The following SIVA1 variants were observed in gnomAD, a reference collection of about 807,000 sequenced individuals.
The protein encoded by SIVA1 is SIVA1 apoptosis inducing factor.
SIVA1 carries 10 observed loss-of-function variants against 19.7 expected under a neutral mutation model. The observed-to-expected ratio is 0.51, with a 90% CI of 0.31 to 0.86. The LOEUF is 0.86. SIVA1 is among the 40% of genes least tolerant of loss of function. The pLI, the probability that SIVA1 is intolerant of heterozygous loss-of-function variation, is 0.04. For synonymous variants in SIVA1, 130 were observed against 106.1 expected (o/e 1.23, Z -1.39); for missense variants, 241 against 245.2 (o/e 0.98, Z 0.11).
In SIVA1 at chr14:104,759,346, T is replaced by G. The variant is rs1056781060; in HGVS notation, c.471-82T>G. The G allele has an allele frequency of 1.7e-6, 2 of 1,206,898 alleles. No individual in the cohort carries two copies. The highest frequency in any genetic ancestry group is 3.8e-5 in the Admixed American group (2 of 52,010). 74.8% of individuals were successfully genotyped at this position (1,206,898 alleles called of 1,614,324 possible). On this transcript the variant is annotated intron_variant, in intron 3 of 3. Transcript: ENST00000329967. This position sits in a 1 kb window ranked among gnomAD's most constrained non-coding sequence, Gnocchi z 4.2. Reference sequence around the variant, plus strand: ...CCTGAGGTGTTCTGGGTTAGGACTTTGACGTTTGAATGGTGGGGGGTGGTG... The same window carrying G: ...CCTGAGGTGTTCTGGGTTAGGACTTGGACGTTTGAATGGTGGGGGGTGGTG...
chr14:104,758,248 C>A (rs1435850255), intron 3 of SIVA1: 1 of 152,586 alleles, frequency 6.6e-6, no homozygotes. Flanking sequence ...ACGCCTGGCC[C>A]GTCCTCTGCA....
At chr14:104,753,984 A>G in intron 1 of SIVA1, 1 of 297,850 alleles carries the variant, frequency 3.4e-6, no homozygotes, top group South Asian at 2.5e-5. Context: ...TTAGCCAGGC[A>G]GAGGAAGGGA....
In SIVA1 at chr14:104,756,681, G is replaced by A; in HGVS notation, c.391G>A (p.Glu131Lys). ...VDGKAVCGQC[E>K]RALCGQCVRT... ...TGGGAAGGCGGTCTGCGGTCAGTGTGAGCGAGCCCTGTGCGGGCAGTGTGT... is the reference window on the plus strand; with the variant it reads ...TGGGAAGGCGGTCTGCGGTCAGTGTAAGCGAGCCCTGTGCGGGCAGTGTGT... The change falls in exon 3 of 4, where the codon GAG (glutamate) becomes AAG (lysine). Residue 131 changes from glutamate to lysine, a missense_variant. Physicochemically the swap from Glu to Lys is moderately conservative, Grantham distance 56 (BLOSUM62 1). Transcript: ENST00000329967. The A allele has an allele frequency of 1.2e-6, 2 of 1,614,216 alleles. No individual in the cohort carries two copies. The highest frequency in any genetic ancestry group is 1.7e-6 in the Non-Finnish European group (2 of 1,180,030).
At chr14:104,756,891 C>A in intron 3 of SIVA1, 131 bp downstream of exon 3, 1 of 1,042,764 alleles carries the variant, frequency 9.6e-7, no homozygotes, top group Non-Finnish European at 1.4e-6. Context: ...TCTGGCATTG[C>A]CTAACGGGAC....
chr14:104,753,495 A>C (rs2140851917), intron 1 of SIVA1, among the ~76,000 whole-genome samples, 176 bp downstream of exon 1: 1 of 152,224 alleles, frequency 6.6e-6, no homozygotes, highest in African/African-American at 2.4e-5. Flanking sequence ...GGCTGGGGTC[A>C]GTGAGGGGGA....
rs768453113 is a variant in SIVA1, at chr14:104,756,049, A to G, written c.313+225A>G. 1.8e-5 allele frequency: 12 copies of G among 662,584 alleles called. 1 individual carries two copies. The highest frequency in any genetic ancestry group is 1.6e-4 in the African/African-American group (9 of 55,224). 41.0% of individuals were successfully genotyped at this position (662,584 alleles called of 1,614,324 possible). A position where few individuals can be genotyped will look rare whatever the true frequency, so the allele number is the denominator to read the frequency against. Reference sequence around the variant, plus strand: ...GTACTGGGCCAAAAAAGCAGCAGAGACTCCCCGGGTATCCCGTCTGCTTTC... The same window carrying G: ...GTACTGGGCCAAAAAAGCAGCAGAGGCTCCCCGGGTATCCCGTCTGCTTTC... On this transcript the variant is annotated intron_variant, in intron 2 of 3. Coordinates refer to ENST00000329967, the MANE Select transcript of SIVA1 (RefSeq NM_006427.4).
At position 104,759,231 on chromosome 14, in the gene SIVA1, G is replaced by T. The variant is rs181023805; in HGVS notation, c.471-197G>T. The T allele has an allele frequency of 3.8e-5, 18 of 477,788 alleles. No individual in the cohort carries two copies. The East Asian group carries it at 5.8e-4, about 15-fold the overall frequency. The allele number at this position is 477,788 out of a possible 1,614,324, so 29.6% of individuals were successfully genotyped here. ...TCTCTTCACGTAGTCTTTTTAGGAC[G>T]CTGGTCGTGTTGCCTTAGGGCCCCC... is the stretch of plus-strand genomic sequence containing the variant. On this transcript the variant is annotated intron_variant, in intron 3 of 3. Transcript: ENST00000329967. The surrounding 1 kb of genome is among the most constrained non-coding windows in gnomAD (Gnocchi z 4.2).
intron 1 of SIVA1, among the ~76,000 whole-genome samples, chr14:104,755,274 A>G (rs535415053): frequency 1.3e-4 from 20 of 152,306 alleles, no homozygotes; most frequent in African/African-American, 4.8e-4. Flanking sequence ...CTGGGGAAGC[A>G]GAAAAGGGAG....
intron 3 of SIVA1, chr14:104,758,909 C>G (rs1486034473): frequency 2.0e-5 from 3 of 152,814 alleles, no homozygotes; most frequent in African/African-American, 7.2e-5. Context: ...TGGAGAGCTT[C>G]TATCCTACTG....
chr14:104,755,335 A>G (rs902805207), intron 1 of SIVA1, among the ~76,000 whole-genome samples: 1 of 152,176 alleles, frequency 6.6e-6, no homozygotes, highest in African/African-American at 2.4e-5. Flanking sequence ...GCAGAAAATG[A>G]GCCGAGTGAT....
In SIVA1 at chr14:104,753,294, C is replaced by T; in HGVS notation, c.93C>T (p.Ala31=). The change falls in exon 1 of 4, where the codon GCC becomes GCT. Residue 31 remains alanine (A), a synonymous_variant. Transcript: ENST00000329967. ...GGGAGTTGAGCCGCGGCGTGTGCGC[C>T]GAGCGCTACTCGCAGGAGGTCTTCG... The part of the protein sequence containing the change: ...SQRELSRGVC[A]ERYSQEVFEK... 6.2e-7 allele frequency: 1 copy of T among 1,600,698 alleles called. No homozygotes were observed. The highest frequency in any genetic ancestry group is 1.1e-5 in the South Asian group (1 of 89,464).
Position 104,759,490 on chromosome 14 carries a change from G to T in SIVA1, c.*5G>T. The T allele has an allele frequency of 6.2e-7, 1 of 1,608,782 alleles. No homozygotes were observed. The highest frequency in any genetic ancestry group is 8.5e-7 in the Non-Finnish European group (1 of 1,179,600). On this transcript the variant is annotated 3_prime_UTR_variant, in exon 4 of 4. Transcript: ENST00000329967. This position sits in a 1 kb window ranked among gnomAD's most constrained non-coding sequence, Gnocchi z 4.2. ...TGTGCCATGTTCGAGACCTGAGGCT[G>T]GCTCAAGCCGGCTGCCTTCACCGGG... is the stretch of plus-strand genomic sequence containing the variant.
At chr14:104,758,006 C>T (rs558213665) in intron 3 of SIVA1, 1 of 152,442 alleles carries the variant, frequency 6.6e-6, no homozygotes, top group South Asian at 2.1e-4. Flanking sequence ...GGGCTCTGCC[C>T]TCTTTCACAA....
intron 1 of SIVA1, among the ~76,000 whole-genome samples, chr14:104,754,706 T>C (rs12895059): frequency 0.17 from 25,539 of 152,114 alleles, 2,311 homozygotes; most frequent in African/African-American, 0.23. Context: ...TAACCTCGAA[T>C]TGTCCACAAG....
In SIVA1 at chr14:104,755,646, C is replaced by T. The variant is rs1469576028; in HGVS notation, c.135C>T (p.Leu45=). The T allele has an allele frequency of 2.5e-6, 4 of 1,612,736 alleles. No individual in the cohort carries two copies. The highest frequency in any genetic ancestry group is 3.4e-6 in the Non-Finnish European group (4 of 1,179,800). ...SQEVFEKTKR[L]LFLGAQAYLD... ...TTCCCCCAGAGAAGACCAAGCGACT[C>T]CTGTTCCTCGGGGCCCAGGCCTACC... The change falls in exon 2 of 4, where the codon CTC becomes CTT. Residue 45 remains leucine (L), a synonymous_variant. Coordinates refer to ENST00000329967, the MANE Select transcript of SIVA1 (RefSeq NM_006427.4).
chr14:104,753,151 T>G lies in SIVA1; in HGVS notation c.-51T>G. 31 of 1,218,358 alleles carry G rather than the reference T, an allele frequency of 2.5e-5. No individual in the cohort carries two copies. The highest frequency in any genetic ancestry group is 3.3e-5 in the Non-Finnish European group (28 of 860,014). The allele number at this position is 1,218,358 out of a possible 1,614,324, so 75.5% of individuals were successfully genotyped here. A position where few individuals can be genotyped will look rare whatever the true frequency, so the allele number is the denominator to read the frequency against. On this transcript the variant is annotated 5_prime_UTR_variant, in exon 1 of 4. Transcript: ENST00000329967. Reference sequence around the variant, plus strand: ...GCGCAGCTGTGACGTCACGGCGTCGTTGGTAAGGGGCTGGCGGCCGGGGAG... The same window carrying G: ...GCGCAGCTGTGACGTCACGGCGTCGGTGGTAAGGGGCTGGCGGCCGGGGAG...
At chr14:104,753,684 C>T (rs1325258146) in intron 1 of SIVA1, 1 of 423,608 alleles carries the variant, frequency 2.4e-6, no homozygotes, top group African/African-American at 2.0e-5. Flanking sequence ...GGTTGGGGAG[C>T]GGGGCGTCCT....
rs201855183 is a variant in SIVA1, at chr14:104,756,588, C to T, written c.314-16C>T. ...GTCTCCTTGCAGCCTGACGGCTTGG[C>T]GTTTCTTCCTCACAGACCCATCTGG... is the stretch of plus-strand genomic sequence containing the variant. On this transcript the variant is annotated splice_polypyrimidine_tract_variant and intron_variant, in intron 2 of 3. Transcript: ENST00000329967. 2.0e-3 allele frequency: 3,258 copies of T among 1,613,876 alleles called. 8 individuals carry two copies. The highest frequency in any genetic ancestry group is 2.5e-3 in the Non-Finnish European group (2,967 of 1,179,976).
intron 3 of SIVA1, 75 bp downstream of exon 3, chr14:104,756,835 C>A (rs1323194060): frequency 6.9e-7 from 1 of 1,459,794 alleles, no homozygotes; most frequent in African/African-American, 1.7e-5. Flanking sequence ...GGTGGGTCAC[C>A]CATGTGGGCC....
Sources: gnomAD v4.1 joint callset for allele counts (sites outside exome capture counted in the v4.1 genomes callset) on GRCh38, gnomAD v4.1.1 for gene constraint, Gnocchi (gnomAD v3.1) non-coding constraint, MANE v1.5 for transcripts, NCBI Gene and HGNC (gene_info 2026-07-23, HGNC 2026-07-21) for gene names.